The following MTUS2 variants were observed in gnomAD, a reference collection of about 807,000 sequenced individuals.
MTUS2 encodes the protein microtubule associated scaffold protein 2.
MTUS2 carries 40 observed loss-of-function variants against 114.1 expected under a neutral mutation model. The ratio of observed to expected loss-of-function variants is 0.35; its 90% CI spans 0.27 to 0.46. The LOEUF (loss-of-function observed/expected upper bound fraction) is 0.46. Among genes scored for constraint, MTUS2 ranks in the 20% least tolerant of loss-of-function variants. The pLI is 1.00. For missense variants in MTUS2, 1,679 were observed against 1,705.4 expected (o/e 0.98, Z 0.27); for synonymous variants, 688 against 672.0 (o/e 1.02, Z -0.37).
chr13:29,297,068 T>A (rs565464437), intron 6 of MTUS2, among the ~76,000 whole-genome samples: 32 of 152,288 alleles, frequency 2.1e-4, no homozygotes, highest in African/African-American at 7.7e-4. Context: ...TCTAGTATTT[T>A]CATAGTTTCA....
Position 29,480,359 on chromosome 13 carries a change from G to T in MTUS2, c.3394G>T (p.Glu1132Ter). ...GCTGAGCATCCGGTGTCAACACCAG[G>T]AGCAGGTCAGTCTGCAGTGCGGCTC... is the stretch of plus-strand genomic sequence containing the variant. ...QLLSIRCQHQ[E>*]QVEDLTASHD... is the part of the protein sequence containing the mutation. Residue 1132 changes from glutamate (E) to a stop codon, truncating the protein, a stop_gained, in exon 10 of 16, where the codon GAG becomes TAG. Transcript: ENST00000612955. LOFTEE classifies it high-confidence loss of function. The surrounding 1 kb of genome is among the most constrained non-coding windows in gnomAD (Gnocchi z 4.4). The T allele has an allele frequency of 6.5e-7, 1 of 1,529,570 alleles. No individual in the cohort carries two copies. The highest frequency in any genetic ancestry group is 1.3e-5 in the South Asian group (1 of 79,770). 94.7% of individuals were successfully genotyped at this position (1,529,570 alleles called of 1,614,324 possible).
At chr13:29,173,378 G>T (rs1893641059) in intron 5 of MTUS2, among the ~76,000 whole-genome samples, 1 of 151,918 alleles carries the variant, frequency 6.6e-6, no homozygotes, top group Non-Finnish European at 1.5e-5. Flanking sequence ...TTCTCTTTAG[G>T]TCTAAATGTT....
chr13:29,412,548 G>C (rs1875331608), intron 8 of MTUS2, among the ~76,000 whole-genome samples: 1 of 151,862 alleles, frequency 6.6e-6, no homozygotes, highest in Non-Finnish European at 1.5e-5. Context: ...TTTTTGTAGA[G>C]TTTCATCAGG....
intron 2 of MTUS2, among the ~76,000 whole-genome samples, chr13:28,912,943 A>C (rs1466948963): frequency 6.6e-6 from 1 of 152,138 alleles, no homozygotes; most frequent in East Asian, 1.9e-4. Flanking sequence ...TGACGAGTTA[A>C]TGGGTGCACA....
At chr13:29,193,266 G>T (rs778513455) in intron 5 of MTUS2, among the ~76,000 whole-genome samples, 7 of 152,090 alleles carry the variant, frequency 4.6e-5, no homozygotes, top group Non-Finnish European at 1.0e-4. Flanking sequence ...GGACTCGAAA[G>T]GGGGAGAGTA....
chr13:29,461,715 G>T (rs1347841053), intron 9 of MTUS2, among the ~76,000 whole-genome samples: 1 of 152,162 alleles, frequency 6.6e-6, no homozygotes, highest in Admixed American at 6.5e-5. Flanking sequence ...CTACCAGTGA[G>T]AATTTAATAT....
chr13:29,495,039 C>T (rs1882439508), intron 12 of MTUS2, among the ~76,000 whole-genome samples: 1 of 151,762 alleles, frequency 6.6e-6, no homozygotes, highest in African/African-American at 2.4e-5. Context: ...ACAAAATTAG[C>T]TGGACGTGGT....
chr13:29,104,678 T>C (rs1375816526), intron 5 of MTUS2, among the ~76,000 whole-genome samples: 1 of 152,178 alleles, frequency 6.6e-6, no homozygotes. Context: ...CCTAGGCAGC[T>C]CCCTTCATTC....
chr13:29,199,234 G>C (rs908000316), intron 5 of MTUS2, among the ~76,000 whole-genome samples: 1 of 152,182 alleles, frequency 6.6e-6, no homozygotes, highest in African/African-American at 2.4e-5. Flanking sequence ...ATGTTGAATA[G>C]GAGTGGTGAG....
At chr13:29,113,035 C>T (rs1237009931) in intron 5 of MTUS2, among the ~76,000 whole-genome samples, 2 of 152,074 alleles carry the variant, frequency 1.3e-5, no homozygotes, top group Non-Finnish European at 2.9e-5. Context: ...GATTTTATAC[C>T]GGAAACAATC....
At chr13:29,498,356 TG>T in intron 13 of MTUS2, 61 bp from the exon 14 acceptor site, 1 of 1,597,644 alleles carries the variant, frequency 6.3e-7, no homozygotes, top group Non-Finnish European at 8.5e-7. Flanking sequence ...TTCGTGACAT[TG>T]GTTAATACTG....
chr13:29,352,981 G>A (rs1295672363), intron 7 of MTUS2, among the ~76,000 whole-genome samples: 2 of 151,978 alleles, frequency 1.3e-5, no homozygotes, highest in African/African-American at 2.4e-5. Flanking sequence ...TTAAATATAC[G>A]AAATACATTT....
At chr13:28,967,893 AC>A (rs1199267444) in intron 2 of MTUS2, among the ~76,000 whole-genome samples, 2 of 152,218 alleles carry the variant, frequency 1.3e-5, no homozygotes, top group African/African-American at 4.8e-5. Flanking sequence ...TCACATAAAA[AC>A]ATGTATGAAC....
chr13:29,457,312 C>G (rs900193647), intron 9 of MTUS2, among the ~76,000 whole-genome samples: 1 of 152,008 alleles, frequency 6.6e-6, no homozygotes, highest in Non-Finnish European at 1.5e-5. Flanking sequence ...TCCAGCCAAG[C>G]CCCCCTTCTT....
Position 28,907,925 on chromosome 13 carries a change from G to A in MTUS2, c.-243+68075G>A, listed in dbSNP as rs967551960. Among the ~76,000 whole-genome samples the A allele has an allele frequency of 7.3e-5, 11 of 151,500 alleles. No individual in the cohort carries two copies. The East Asian group carries it at 1.5e-3, about 21-fold the overall frequency. ...TTCCTTCTGGTCTCCATGGTTTCAG[G>A]TGAGTAATCTGAATTGTGTTTCCCT... On this transcript the variant is annotated intron_variant, in intron 2 of 15. Transcript: ENST00000612955.
chr13:28,822,431 G>A (rs1441655833), intron 1 of MTUS2, among the ~76,000 whole-genome samples: 1 of 152,196 alleles, frequency 6.6e-6, no homozygotes, highest in African/African-American at 2.4e-5. Context: ...CAGGGATGGT[G>A]GTTTGTGAAA....
At chr13:29,302,718 G>A (rs1479861995) in intron 6 of MTUS2, among the ~76,000 whole-genome samples, 2 of 152,214 alleles carry the variant, frequency 1.3e-5, no homozygotes, top group Admixed American at 1.3e-4. Flanking sequence ...ACTCAGCTAT[G>A]CCAGCCTGCT....
At chr13:29,407,350 C>T (rs954936814) in intron 8 of MTUS2, among the ~76,000 whole-genome samples, 4 of 151,326 alleles carry the variant, frequency 2.6e-5, no homozygotes, top group Admixed American at 6.6e-5. Flanking sequence ...AAAAGTTTCT[C>T]TCTAAAGTAT....
intron 2 of MTUS2, among the ~76,000 whole-genome samples, chr13:28,963,126 C>T (rs748477011): frequency 2.0e-5 from 3 of 152,096 alleles, no homozygotes; most frequent in Admixed American, 1.3e-4. Context: ...CCGAGACAGA[C>T]GGATCACGAG....
Sources: allele counts gnomAD v4.1 joint callset (sites outside exome capture counted in the v4.1 genomes callset), GRCh38; gene constraint gnomAD v4.1.1; non-coding constraint Gnocchi (gnomAD v3.1); transcripts MANE v1.5; gene names NCBI Gene and HGNC (gene_info 2026-07-23, HGNC 2026-07-21).